GRID2: variants seen among roughly 807,000 people sequenced by gnomAD.
The protein encoded by GRID2 is glutamate ionotropic receptor delta type subunit 2.
Under a neutral mutation model 114.8 loss-of-function variants are expected in GRID2, and 33 were observed. That is an observed-to-expected ratio of 0.29 (90% CI 0.22 to 0.38). The LOEUF (loss-of-function observed/expected upper bound fraction) is 0.38. Ranked by LOEUF, GRID2 falls within the 10% of genes least tolerant of loss-of-function variation. The pLI, the probability that GRID2 is intolerant of heterozygous loss-of-function variation, is 1.00. For synonymous variants in GRID2, 505 were observed against 449.9 expected (o/e 1.12, Z -1.55); for missense variants, 1,184 against 1,257.7 (o/e 0.94, Z 0.89).
In GRID2 at chr4:92,531,037, A is replaced by G. The variant is rs190184509; in HGVS notation, c.89-59094A>G. Among the ~76,000 whole-genome samples, 1,256 of 152,288 alleles carry G rather than the reference A, an allele frequency of 8.2e-3. 6 individuals carry two copies. The highest frequency in any genetic ancestry group is 0.013 in the Non-Finnish European group (897 of 68,012). ...TAAAAAGTCCTTATTATTTACAGGC[A>G]TATACTGATGTATTTACAAGTGAAA... On this transcript the variant is annotated intron_variant, in intron 1 of 15. Coordinates refer to ENST00000282020, the MANE Select transcript of GRID2 (RefSeq NM_001510.4).
At position 92,602,203 on chromosome 4, in the gene GRID2, T is replaced by TA. The variant is rs548267650; in HGVS notation, c.244+11931dup. 7.5e-3 allele frequency among the ~76,000 whole-genome samples: 716 copies of TA among 95,616 alleles called. 7 individuals are homozygous for TA. Among genetic ancestry groups the TA allele is most frequent in the South Asian group, 0.016 (52 of 3,238 alleles). 62.7% of individuals were successfully genotyped at this position (95,616 alleles called of 152,430 possible). A position where few individuals can be genotyped will look rare whatever the true frequency, so the allele number is the denominator to read the frequency against. ...GTGATACCAAAACTTGCCAGAGATT[T>TA]AAAAAAAAAAAAAAGAAAAGAAAAG... On this transcript the variant is annotated intron_variant, in intron 2 of 15. Transcript: ENST00000282020.
chr4:92,895,103 T>C (rs1747063899), intron 2 of GRID2, among the ~76,000 whole-genome samples: 2 of 151,970 alleles, frequency 1.3e-5, no homozygotes, highest in South Asian at 2.1e-4. Context: ...TAATGAGAAT[T>C]GGCTGGGGAC....
chr4:93,531,473 C>G (rs1223653374), intron 13 of GRID2, among the ~76,000 whole-genome samples: 3 of 151,984 alleles, frequency 2.0e-5, no homozygotes, highest in Non-Finnish European at 4.4e-5. Flanking sequence ...AGGACAGGTG[C>G]TTTACTCACC....
intron 8 of GRID2, among the ~76,000 whole-genome samples, chr4:93,355,831 G>T (rs1247904209): frequency 6.6e-6 from 1 of 151,968 alleles, no homozygotes; most frequent in East Asian, 1.9e-4. Flanking sequence ...GGCCAAAATT[G>T]GTCCAATACC....
chr4:93,208,590 C>T (rs1743087307), intron 5 of GRID2, among the ~76,000 whole-genome samples: 1 of 151,880 alleles, frequency 6.6e-6, no homozygotes, highest in Non-Finnish European at 1.5e-5. Context: ...AATTATTTTC[C>T]TCTTTTTACA....
At chr4:93,262,598 G>A (rs1409017987) in intron 8 of GRID2, among the ~76,000 whole-genome samples, 1 of 151,698 alleles carries the variant, frequency 6.6e-6, no homozygotes. Context: ...TACTTCTTAT[G>A]CAAAACTTGG....
intron 1 of GRID2, among the ~76,000 whole-genome samples, chr4:92,368,392 TAAAA>T (rs1728970571): frequency 1.3e-5 from 2 of 152,066 alleles, no homozygotes; most frequent in Non-Finnish European, 2.9e-5. Context: ...TTTTAATAAA[TAAAA>T]AGGATTTTTA....
At chr4:93,442,625 C>CAG (rs150091643) in intron 10 of GRID2, among the ~76,000 whole-genome samples, 25 of 149,772 alleles carry the variant, frequency 1.7e-4, no homozygotes, top group Non-Finnish European at 2.4e-4. Flanking sequence ...GAGACAGAGA[C>CAG]AGAGAGAGAG....
intron 1 of GRID2, among the ~76,000 whole-genome samples, chr4:92,486,547 T>TCACACACACA (rs72216440): frequency 2.7e-3 from 364 of 137,158 alleles, no homozygotes; most frequent in Middle Eastern, 0.019. Context: ...TCTCTCTCTT[T>TCACACACACA]CACACACACA....
chr4:92,645,716 A>G (rs1028538201), intron 2 of GRID2, among the ~76,000 whole-genome samples: 1 of 151,684 alleles, frequency 6.6e-6, no homozygotes, highest in South Asian at 2.1e-4. Flanking sequence ...CTGCTCCTTA[A>G]CTTGACATGT....
chr4:93,333,020 A>G (rs1010936340), intron 8 of GRID2, among the ~76,000 whole-genome samples: 2 of 152,128 alleles, frequency 1.3e-5, no homozygotes, highest in Non-Finnish European at 2.9e-5. Flanking sequence ...TTCATTCATC[A>G]TGTATTTGAT....
chr4:93,100,265 A>G (rs1731585638), intron 3 of GRID2, among the ~76,000 whole-genome samples: 1 of 151,884 alleles, frequency 6.6e-6, no homozygotes, highest in Non-Finnish European at 1.5e-5. Flanking sequence ...ACAAGCTATT[A>G]TCAAATAGAA....
At chr4:93,566,523 A>G (rs1430609617) in intron 13 of GRID2, among the ~76,000 whole-genome samples, 2 of 152,264 alleles carry the variant, frequency 1.3e-5, no homozygotes, top group East Asian at 1.9e-4. Flanking sequence ...TAATCCCAAC[A>G]CTTTGCAAGG....
chr4:92,406,500 G>T (rs147138495), intron 1 of GRID2, among the ~76,000 whole-genome samples: 2 of 152,236 alleles, frequency 1.3e-5, no homozygotes, highest in East Asian at 3.9e-4. Context: ...TGGGGACATT[G>T]TGTCTCTGGA....
intron 13 of GRID2, among the ~76,000 whole-genome samples, chr4:93,619,390 T>C (rs1332332797): frequency 6.6e-6 from 1 of 152,196 alleles, no homozygotes; most frequent in African/African-American, 2.4e-5. Flanking sequence ...ATGTGGGCAA[T>C]GAATTATAAG....
At chr4:93,231,390 CAAAAA>C (rs34267723) in intron 7 of GRID2, among the ~76,000 whole-genome samples, 3 of 104,510 alleles carry the variant, frequency 2.9e-5, no homozygotes, top group Non-Finnish European at 5.7e-5. Flanking sequence ...CACCCCCTGC[CAAAAA>C]AAAAAAAAAA....
intron 2 of GRID2, among the ~76,000 whole-genome samples, chr4:92,692,924 G>A (rs1734244099): frequency 6.6e-6 from 1 of 151,894 alleles, no homozygotes; most frequent in African/African-American, 2.4e-5. Context: ...TCGGGAGGCT[G>A]GGGCAAGAGA....
At chr4:92,479,031 A>G (rs913586446) in intron 1 of GRID2, among the ~76,000 whole-genome samples, 1 of 152,162 alleles carries the variant, frequency 6.6e-6, no homozygotes, top group African/African-American at 2.4e-5. Context: ...TCACAGTGTC[A>G]AAATTCGTTA....
At chr4:93,444,887 A>G (rs1488406947) in intron 10 of GRID2, among the ~76,000 whole-genome samples, 3 of 152,018 alleles carry the variant, frequency 2.0e-5, no homozygotes, top group East Asian at 1.9e-4. Flanking sequence ...ATCTCAAAAC[A>G]GTGTTTACAT....
Sources: allele counts gnomAD v4.1 joint callset (sites outside exome capture counted in the v4.1 genomes callset), GRCh38; gene constraint gnomAD v4.1.1; transcripts MANE v1.5; gene names NCBI Gene and HGNC (gene_info 2026-07-23, HGNC 2026-07-21).